PFKM: variants seen among roughly 807,000 people sequenced by gnomAD.
The protein encoded by PFKM is ATP-dependent 6-phosphofructokinase, muscle type.
PFKM carries 58 observed loss-of-function variants against 95.5 expected under a neutral mutation model. The ratio of observed to expected loss-of-function variants is 0.61; its 90% CI spans 0.49 to 0.76. The LOEUF is 0.76. PFKM is among the 30% of genes least tolerant of loss of function. The probability of loss-of-function intolerance (pLI) is 0.00; values close to 1 mark genes in which losing one functional copy is unlikely to be tolerated. For synonymous variants in PFKM, 336 were observed against 357.2 expected, an observed-to-expected ratio of 0.94 and a Z score of 0.67; for missense variants, 678 against 1,005.4, an observed-to-expected ratio of 0.67 and a Z score of 4.40.
intron 18 of PFKM, among the ~76,000 whole-genome samples, chr12:48,143,410 A>G (rs933273567): frequency 4.6e-5 from 7 of 152,200 alleles, no homozygotes; most frequent in South Asian, 2.1e-4. Flanking sequence ...ACAGAGATAT[A>G]AAGTGTCAAC....
Position 48,145,744 on chromosome 12 carries a change from A to G in PFKM, c.*36A>G. ...AGTGAGGGGAATAGATTACCTGATC[A>G]TGGTCAGCTCACACCCTAATAAGTC... On this transcript the variant is annotated 3_prime_UTR_variant, in exon 23 of 23. Coordinates refer to ENST00000359794, the MANE Select transcript of PFKM (RefSeq NM_000289.6). This position sits in a 1 kb window ranked among gnomAD's most constrained non-coding sequence, Gnocchi z 4.3. 3.1e-6 allele frequency: 5 copies of G among 1,607,670 alleles called. No individual in the cohort carries two copies. The highest frequency in any genetic ancestry group is 2.2e-5 in the South Asian group (2 of 90,912).
intron 20 of PFKM, 49 bp downstream of exon 20, chr12:48,144,206 C>G (rs752252365): frequency 2.4e-6 from 3 of 1,255,016 alleles, no homozygotes. Flanking sequence ...CCATACCTGC[C>G]AACAGCCATA....
At chr12:48,142,719 A>G (rs1592807221) in intron 17 of PFKM, 63 bp from the exon 18 acceptor site, 1 of 1,432,310 alleles carries the variant, frequency 7.0e-7, no homozygotes, top group East Asian at 2.3e-5. Flanking sequence ...GGCAAAGATT[A>G]AAGAGTGATA....
intron 2 of PFKM, chr12:48,108,039 C>CCAG (rs1361775276): frequency 2.5e-6 from 4 of 1,597,858 alleles, no homozygotes; most frequent in Non-Finnish European, 3.4e-6. Flanking sequence ...CAGAATCCCA[C>CCAG]CTTGAGGGTG....
chr12:48,139,228 C>A, intron 11 of PFKM, 57 bp from the exon 12 acceptor site: 1 of 1,362,328 alleles, frequency 7.3e-7, no homozygotes, highest in Non-Finnish European at 1.1e-6. Context: ...GGATGGAGTT[C>A]CAGCTGTGCA....
At chr12:48,120,613 T>C (rs965355080) in intron 1 of PFKM, among the ~76,000 whole-genome samples, 5 of 152,262 alleles carry the variant, frequency 3.3e-5, no homozygotes, top group African/African-American at 1.2e-4. Flanking sequence ...ATTCTGCTGT[T>C]GTAGCACAAA....
intron 14 of PFKM, 108 bp downstream of exon 14, chr12:48,140,979 C>A: frequency 1.7e-6 from 2 of 1,190,140 alleles, no homozygotes; most frequent in Admixed American, 1.8e-5. Context: ...CCTCTCTCTC[C>A]TCTCTCAGGG....
chr12:48,118,668 T>C, upstream of PFKM: 1 of 742,640 alleles, frequency 1.3e-6, no homozygotes, highest in Non-Finnish European at 2.3e-6. Context: ...GCCCAATTTA[T>C]ATGTTTGCTT....
chr12:48,133,101 G>T (rs199600995), intron 5 of PFKM, 44 bp downstream of exon 5: 52 of 1,540,222 alleles, frequency 3.4e-5, no homozygotes, highest in Non-Finnish European at 4.5e-5. Flanking sequence ...GTGTCGGTAC[G>T]TGCACGCGTG....
chr12:48,140,599 C>T, intron 13 of PFKM, 123 bp from the exon 14 acceptor site: 1 of 993,592 alleles, frequency 1.0e-6, no homozygotes, highest in South Asian at 1.3e-5. Context: ...GTTGTGTTGT[C>T]TTAGGCAGAT....
At chr12:48,119,960 C>G (rs1948078097) in intron 1 of PFKM, 2 of 152,064 alleles carry the variant, frequency 1.3e-5, no homozygotes, top group Admixed American at 1.3e-4. Flanking sequence ...CTTGTTATGG[C>G]GAATTTTCTC....
At chr12:48,129,474 T>C (rs1949229196) in intron 2 of PFKM, among the ~76,000 whole-genome samples, 1 of 152,116 alleles carries the variant, frequency 6.6e-6, no homozygotes, top group Non-Finnish European at 1.5e-5. Flanking sequence ...CTAGCAAATA[T>C]TTGTTGACTA....
In PFKM at chr12:48,141,813, A is replaced by T; in HGVS notation, c.1486A>T (p.Ile496Phe). 1 of 1,613,830 alleles carries T rather than the reference A, an allele frequency of 6.2e-7. No homozygotes were observed. The highest frequency in any genetic ancestry group is 8.5e-7 in the Non-Finnish European group (1 of 1,179,808). The change falls in exon 16 of 23, where the codon ATT (isoleucine) becomes TTT (phenylalanine). Residue 496 changes from isoleucine to phenylalanine, a missense_variant. Coordinates refer to ENST00000359794, the MANE Select transcript of PFKM (RefSeq NM_000289.6). ...GTTTAACATTCAGGGCCTTGTCATC[A>T]TTGGGGGCTTTGAGGTGAGTGCCTG... ...TKFNIQGLVI[I>F]GGFEAYTGGL...
At chr12:48,131,058 A>G (rs1278522276) in intron 3 of PFKM, among the ~76,000 whole-genome samples, 1 of 152,216 alleles carries the variant, frequency 6.6e-6, no homozygotes, top group Non-Finnish European at 1.5e-5. Context: ...AGCCAAAAAT[A>G]AGAATTAAGA....
intron 2 of PFKM, among the ~76,000 whole-genome samples, chr12:48,107,671 A>T (rs914116486): frequency 1.3e-5 from 2 of 152,198 alleles, no homozygotes; most frequent in African/African-American, 4.8e-5. Flanking sequence ...TGCCAGGCAG[A>T]TAAGGAGGAC....
chr12:48,128,343 GAT>G (rs1417278005), intron 2 of PFKM, among the ~76,000 whole-genome samples: 1 of 152,058 alleles, frequency 6.6e-6, no homozygotes, highest in Non-Finnish European at 1.5e-5. Flanking sequence ...GGGCTCAAGT[GAT>G]CCTCCTGTCT....
chr12:48,138,790 C>T lies in PFKM; in HGVS notation c.1063-495C>T, dbSNP rs1326912196. Reference sequence around the variant, plus strand: ...GAGCATAGTGCCAGGCACGGTGGCTCACGCCTATAATCCCAGCACTTTGGG... The same window carrying T: ...GAGCATAGTGCCAGGCACGGTGGCTTACGCCTATAATCCCAGCACTTTGGG... On this transcript the variant is annotated intron_variant, in intron 11 of 22. Coordinates refer to ENST00000359794, the MANE Select transcript of PFKM (RefSeq NM_000289.6). Among the ~76,000 whole-genome samples the T allele has an allele frequency of 2.6e-5, 4 of 152,206 alleles. No homozygotes were observed. In the East Asian group the frequency reaches 7.7e-4, roughly 29 times the overall value.
chr12:48,134,485 G>A (rs1347094759), intron 7 of PFKM, among the ~76,000 whole-genome samples: 1 of 152,236 alleles, frequency 6.6e-6, no homozygotes, highest in Non-Finnish European at 1.5e-5. Context: ...TTGGTGTAAA[G>A]AGTGGGTAGT....
chr12:48,112,931 G>C (rs1199349540), intron 3 of PFKM, among the ~76,000 whole-genome samples: 1 of 152,112 alleles, frequency 6.6e-6, no homozygotes, highest in Admixed American at 6.5e-5. Context: ...GGTAAGGGGT[G>C]CATGATCAGT....
Sources: allele counts gnomAD v4.1 joint callset (sites outside exome capture counted in the v4.1 genomes callset), GRCh38; gene constraint gnomAD v4.1.1; non-coding constraint Gnocchi (gnomAD v3.1); transcripts MANE v1.5; gene names NCBI Gene and HGNC (gene_info 2026-07-23, HGNC 2026-07-21).